The following CSMD1 variants were observed in gnomAD, a reference collection of about 807,000 sequenced individuals.
CSMD1 encodes the protein CUB and Sushi multiple domains 1.
Under a neutral mutation model 417.5 loss-of-function variants are expected in CSMD1, and 213 were observed. That is an observed-to-expected ratio of 0.51 (90% CI 0.46 to 0.57). The LOEUF (loss-of-function observed/expected upper bound fraction) is 0.57, where lower values mean the gene tolerates loss of function less well. Ranked by LOEUF, CSMD1 falls within the 20% of genes least tolerant of loss-of-function variation. CSMD1 has a pLI of 0.00. For missense variants in CSMD1, 6,923 were observed against 4,529.7 expected (o/e 1.53, Z -15.17); for synonymous variants, 2,862 against 1,736.8 (o/e 1.65, Z -16.11).
chr8:4,816,550 T>C (rs973130436), intron 1 of CSMD1, among the ~76,000 whole-genome samples: 6 of 152,146 alleles, frequency 3.9e-5, no homozygotes, highest in Admixed American at 2.0e-4. Context: ...CTTTCTCATT[T>C]TCATTCAACA....
chr8:4,300,216 A>C (rs890798995), intron 3 of CSMD1, among the ~76,000 whole-genome samples: 1 of 152,220 alleles, frequency 6.6e-6, no homozygotes, highest in Non-Finnish European at 1.5e-5. Context: ...TGTAATGTTC[A>C]GTTTTGATAA....
intron 10 of CSMD1, among the ~76,000 whole-genome samples, chr8:3,552,477 G>A: frequency 6.6e-6 from 1 of 152,234 alleles, no homozygotes; most frequent in East Asian, 1.9e-4. Flanking sequence ...TCTGACCTGT[G>A]ATAACTGCCT....
In CSMD1 at chr8:4,680,969, T is replaced by TGA. The variant is rs1475074459; in HGVS notation, c.86-43412_86-43411insTC. On this transcript the variant is annotated intron_variant, in intron 1 of 69. Coordinates refer to ENST00000635120, the MANE Select transcript of CSMD1 (RefSeq NM_033225.6). The stretch of plus-strand genomic sequence containing the variant: ...ATATTGATGTGTGTGTGTGTGTGTG[T>TGA]GTGTGTGAGAGAGAGAGAGAGAGAG... 5.7e-5 allele frequency among the ~76,000 whole-genome samples: 7 copies of TGA among 123,422 alleles called. No individual in the cohort carries two copies. In the South Asian group the frequency reaches 1.9e-3, roughly 33 times the overall value. 81.0% of individuals were successfully genotyped at this position (123,422 alleles called of 152,430 possible).
chr8:3,345,505 T>A (rs1419531159), intron 22 of CSMD1, among the ~76,000 whole-genome samples: 1 of 152,112 alleles, frequency 6.6e-6, no homozygotes, highest in Non-Finnish European at 1.5e-5. Context: ...AAAACCCAGA[T>A]AGGAGTGGAA....
chr8:4,330,170 A>T (rs117758675), intron 3 of CSMD1, among the ~76,000 whole-genome samples: 1,566 of 152,224 alleles, frequency 0.01, 11 homozygotes, highest in Admixed American at 0.018. Flanking sequence ...TACAACAGGA[A>T]CAGAGGTTCC....
chr8:3,642,453 C>T (rs921332505), intron 7 of CSMD1, among the ~76,000 whole-genome samples: 2 of 152,086 alleles, frequency 1.3e-5, no homozygotes, highest in Admixed American at 6.6e-5. Flanking sequence ...CTCTAAAATT[C>T]AAGAGATATT....
At chr8:3,262,377 C>A (rs1801144854) in intron 26 of CSMD1, among the ~76,000 whole-genome samples, 1 of 150,872 alleles carries the variant, frequency 6.6e-6, no homozygotes, top group Admixed American at 6.6e-5. Flanking sequence ...ATTGGTAAAT[C>A]TGAAGATGAC....
chr8:3,800,185 A>C lies in CSMD1; in HGVS notation c.819-46143T>G, dbSNP rs947727112. Among the ~76,000 whole-genome samples, 6 of 152,212 alleles carry C rather than the reference A, an allele frequency of 3.9e-5. 1 individual carries two copies. Among genetic ancestry groups the C allele is most frequent in the African/African-American group, 1.4e-4 (6 of 41,466 alleles). ...AACAAAAATCAGTGGCTAGACATGA[A>C]AATTCAGCAGAGAGCAGAACTTTCA... On this transcript the variant is annotated intron_variant, in intron 5 of 69. Coordinates refer to ENST00000635120, the MANE Select transcript of CSMD1 (RefSeq NM_033225.6).
At chr8:3,930,211 C>T (rs564908448) in intron 5 of CSMD1, among the ~76,000 whole-genome samples, 3 of 150,070 alleles carry the variant, frequency 2.0e-5, no homozygotes, top group Admixed American at 6.6e-5. Context: ...TGATTCTATA[C>T]GTGACAAGTA....
At chr8:3,242,092 T>TATC (rs1799570777) in intron 26 of CSMD1, among the ~76,000 whole-genome samples, 1 of 144,090 alleles carries the variant, frequency 6.9e-6, no homozygotes, top group African/African-American at 2.6e-5. Flanking sequence ...TGATTTGGGA[T>TATC]AAAGAAAAAG....
At chr8:4,170,408 G>T (rs10097159) in intron 3 of CSMD1, among the ~76,000 whole-genome samples, 65,663 of 151,672 alleles carry the variant, frequency 0.43, 17,598 homozygotes, top group African/African-American at 0.75. Context: ...AAAAGCATAT[G>T]CATGTATACC....
chr8:4,250,252 A>C (rs1317226418), intron 3 of CSMD1, among the ~76,000 whole-genome samples: 1 of 152,214 alleles, frequency 6.6e-6, no homozygotes, highest in Non-Finnish European at 1.5e-5. Context: ...ACAACCTGCA[A>C]GAACAAAAAG....
intron 3 of CSMD1, among the ~76,000 whole-genome samples, chr8:4,036,027 G>C (rs940983026): frequency 6.6e-6 from 1 of 151,914 alleles, no homozygotes; most frequent in East Asian, 1.9e-4. Flanking sequence ...TCTATGTTTA[G>C]AGACACATAT....
At chr8:4,230,210 C>G (rs1700051) in intron 3 of CSMD1, among the ~76,000 whole-genome samples, 1 of 151,992 alleles carries the variant, frequency 6.6e-6, no homozygotes, top group African/African-American at 2.4e-5. Context: ...TAGAGTTTCC[C>G]TCTAATCTTA....
intron 1 of CSMD1, among the ~76,000 whole-genome samples, chr8:4,683,512 C>T (rs965211830): frequency 1.3e-5 from 2 of 152,136 alleles, no homozygotes; most frequent in Non-Finnish European, 2.9e-5. Flanking sequence ...TATCCCATCT[C>T]TGTAAGGGAT....
intron 26 of CSMD1, among the ~76,000 whole-genome samples, chr8:3,256,013 C>G (rs924817230): frequency 1.3e-5 from 2 of 152,088 alleles, no homozygotes; most frequent in African/African-American, 4.8e-5. Context: ...TGGCTCCCAT[C>G]CAAGTACACA....
intron 12 of CSMD1, among the ~76,000 whole-genome samples, chr8:3,456,507 G>A (rs994025476): frequency 1.3e-5 from 2 of 152,174 alleles, no homozygotes; most frequent in South Asian, 4.1e-4. Context: ...TGTGAATGAT[G>A]TCACCATGTG....
At chr8:3,989,281 C>G (rs1157518742) in intron 5 of CSMD1, among the ~76,000 whole-genome samples, 1 of 152,154 alleles carries the variant, frequency 6.6e-6, no homozygotes, top group Non-Finnish European at 1.5e-5. Context: ...GCTCAGAAGT[C>G]ATAAAACCAA....
chr8:4,178,529 G>C (rs1360009165), intron 3 of CSMD1, among the ~76,000 whole-genome samples: 2 of 151,118 alleles, frequency 1.3e-5, no homozygotes, highest in Non-Finnish European at 2.9e-5. Flanking sequence ...ACAAGACAGG[G>C]ATGCCCTCTC....
Sources: gnomAD v4.1 joint callset for allele counts (sites outside exome capture counted in the v4.1 genomes callset) on GRCh38, gnomAD v4.1.1 for gene constraint, MANE v1.5 for transcripts, NCBI Gene and HGNC (gene_info 2026-07-23, HGNC 2026-07-21) for gene names.